The following ZFPM2 variants were observed in gnomAD, a reference collection of about 807,000 sequenced individuals.
ZFPM2 encodes the protein zinc finger protein ZFPM2.
Under a neutral mutation model 98.6 loss-of-function variants are expected in ZFPM2, and 20 were observed. The observed-to-expected ratio is 0.20, with a 90% CI of 0.14 to 0.29. The LOEUF is 0.29. Ranked by LOEUF, ZFPM2 falls within the 10% of genes least tolerant of loss-of-function variation. The probability of loss-of-function intolerance (pLI) is 1.00; values close to 1 mark genes in which losing one functional copy is unlikely to be tolerated. For synonymous variants in ZFPM2, 518 were observed against 502.7 expected (o/e 1.03, Z -0.41); for missense variants, 1,310 against 1,388.6 (o/e 0.94, Z 0.90).
chr8:105,481,531 T>A (rs954821503), intron 3 of ZFPM2, among the ~76,000 whole-genome samples: 1 of 152,178 alleles, frequency 6.6e-6, no homozygotes, highest in African/African-American at 2.4e-5. Context: ...CCTAAATTTA[T>A]GAGCTAATAA....
At chr8:105,460,032 C>T (rs943229910) in intron 3 of ZFPM2, among the ~76,000 whole-genome samples, 1 of 152,092 alleles carries the variant, frequency 6.6e-6, no homozygotes, top group Admixed American at 6.6e-5. Context: ...CCTCTGGTAC[C>T]AGATAGCATT....
At chr8:105,746,054 G>A (rs774901893) in intron 5 of ZFPM2, among the ~76,000 whole-genome samples, 1 of 151,942 alleles carries the variant, frequency 6.6e-6, no homozygotes, top group East Asian at 1.9e-4. Context: ...TTATAGACCC[G>A]AACCACCACT....
chr8:105,445,932 T>A (rs1812360486), intron 3 of ZFPM2, among the ~76,000 whole-genome samples: 1 of 151,506 alleles, frequency 6.6e-6, no homozygotes. Context: ...TTTTTCTTTT[T>A]TTTTTTGAGA....
intron 5 of ZFPM2, among the ~76,000 whole-genome samples, chr8:105,725,467 C>T (rs1263459073): frequency 6.6e-6 from 1 of 151,694 alleles, no homozygotes; most frequent in Non-Finnish European, 1.5e-5. Flanking sequence ...AGAGAACTAT[C>T]CAGAACCGGT....
chr8:105,365,102 G>A (rs1490728336), intron 1 of ZFPM2, among the ~76,000 whole-genome samples: 1 of 152,106 alleles, frequency 6.6e-6, no homozygotes, highest in Non-Finnish European at 1.5e-5. Flanking sequence ...GAGGGCCCTG[G>A]CCTGTCCTGT....
intron 5 of ZFPM2, among the ~76,000 whole-genome samples, chr8:105,707,374 A>C (rs1309561054): frequency 1.3e-5 from 2 of 152,200 alleles, no homozygotes; most frequent in Non-Finnish European, 2.9e-5. Flanking sequence ...GGACAATTAG[A>C]AAGCAAAAGA....
chr8:105,485,570 A>G (rs1813215698), intron 3 of ZFPM2, among the ~76,000 whole-genome samples: 1 of 152,192 alleles, frequency 6.6e-6, no homozygotes, highest in Non-Finnish European at 1.5e-5. Context: ...AACGGCCTGT[A>G]AGCCTGGATG....
At chr8:105,576,131 C>T (rs778483899) in intron 4 of ZFPM2, among the ~76,000 whole-genome samples, 1 of 152,100 alleles carries the variant, frequency 6.6e-6, no homozygotes, top group Non-Finnish European at 1.5e-5. Context: ...ACAGCTAAAG[C>T]TCCAGCAAAA....
At position 105,441,448 on chromosome 8, in the gene ZFPM2, GAGAGAGAAAGAA is replaced by G. The variant is rs1486253380; in HGVS notation, c.200-2828_200-2817del. On this transcript the variant is annotated intron_variant, in intron 2 of 7. Coordinates refer to ENST00000407775, the MANE Select transcript of ZFPM2 (RefSeq NM_012082.4). ...AGAAAGAAAGAAAGAGAGAGAGAGA[GAGAGAGAAAGAA>G]AGAAAGAAAGAAAGAAAGAAAGAAA... 7.2e-4 allele frequency among the ~76,000 whole-genome samples: 26 copies of G among 36,042 alleles called. 3 individuals carry two copies. The highest frequency in any genetic ancestry group is 1.8e-3 in the Admixed American group (6 of 3,332). The allele number at this position is 36,042 out of a possible 152,430, so 23.6% of individuals were successfully genotyped here. A position where few individuals can be genotyped will look rare whatever the true frequency, so the allele number is the denominator to read the frequency against.
intron 1 of ZFPM2, among the ~76,000 whole-genome samples, chr8:105,324,884 G>A (rs574971114): frequency 1.6e-4 from 25 of 151,970 alleles, no homozygotes; most frequent in African/African-American, 5.8e-4. Context: ...GCCAAATTGT[G>A]TGAAGAATAT....
intron 1 of ZFPM2, among the ~76,000 whole-genome samples, chr8:105,330,648 A>ATATATATACATATATATATATT (rs1812216850): frequency 7.4e-6 from 1 of 135,202 alleles, no homozygotes; most frequent in Non-Finnish European, 1.6e-5. Context: ...ATATATATAT[A>ATATATATACATATATATATATT]TTTTTCAGGA....
intron 3 of ZFPM2, among the ~76,000 whole-genome samples, chr8:105,496,751 G>T (rs2130453315): frequency 6.7e-6 from 1 of 149,402 alleles, no homozygotes; most frequent in Admixed American, 6.6e-5. Context: ...GGGAGGCCAA[G>T]GTGGGCGGAT....
intron 4 of ZFPM2, among the ~76,000 whole-genome samples, chr8:105,596,835 A>T (rs1815981517): frequency 6.7e-6 from 1 of 149,374 alleles, no homozygotes; most frequent in Non-Finnish European, 1.5e-5. Context: ...TATCTCTAAA[A>T]CTTCAATTAA....
intron 5 of ZFPM2, among the ~76,000 whole-genome samples, chr8:105,768,534 C>T (rs1055675085): frequency 6.6e-6 from 1 of 151,886 alleles, no homozygotes; most frequent in African/African-American, 2.4e-5. Flanking sequence ...TTGAAGTTTA[C>T]AGTTATGAGA....
At chr8:105,599,087 A>G (rs991813589) in intron 4 of ZFPM2, among the ~76,000 whole-genome samples, 1 of 152,096 alleles carries the variant, frequency 6.6e-6, no homozygotes, top group Non-Finnish European at 1.5e-5. Context: ...CAAAAAATTT[A>G]AATTACTCAT....
At chr8:105,513,242 T>A (rs2130515242) in intron 3 of ZFPM2, among the ~76,000 whole-genome samples, 1 of 152,346 alleles carries the variant, frequency 6.6e-6, no homozygotes, top group Non-Finnish European at 1.5e-5. Flanking sequence ...AGATATTTTT[T>A]AAGGCCCTTT....
intron 5 of ZFPM2, among the ~76,000 whole-genome samples, chr8:105,659,538 G>T (rs1817349147): frequency 6.6e-6 from 1 of 152,132 alleles, no homozygotes; most frequent in South Asian, 2.1e-4. Flanking sequence ...AAAAGTGAGA[G>T]GGGTGGCATA....
Position 105,444,357 on chromosome 8 carries a change from G to C in ZFPM2, c.277G>C (p.Glu93Gln). ...QSEKPGQPGV[E>Q]TDDWDGPGEL... is the part of the protein sequence containing the mutation. ...AGAGAAACCGGGGCAACCTGGAGTT[G>C]AGACAGACGACTGGGATGGACCAGG... The change falls in exon 3 of 8, where the codon GAG becomes CAG. Residue 93 changes from glutamate to glutamine, a missense_variant. Transcript: ENST00000407775. 2 of 1,612,186 alleles carry C rather than the reference G, an allele frequency of 1.2e-6. No homozygotes were observed. The highest frequency in any genetic ancestry group is 1.7e-6 in the Non-Finnish European group (2 of 1,179,120).
chr8:105,398,721 C>T (rs1290010816), intron 1 of ZFPM2, among the ~76,000 whole-genome samples: 1 of 152,124 alleles, frequency 6.6e-6, no homozygotes, highest in African/African-American at 2.4e-5. Context: ...ATTATTGCTT[C>T]CCTGGCCACT....
Sources: gnomAD v4.1 joint callset for allele counts (sites outside exome capture counted in the v4.1 genomes callset) on GRCh38, gnomAD v4.1.1 for gene constraint, MANE v1.5 for transcripts, NCBI Gene and HGNC (gene_info 2026-07-23, HGNC 2026-07-21) for gene names.